ARL9: variants seen among roughly 807,000 people sequenced by gnomAD.
ARL9 encodes ADP-ribosylation factor-like protein 9.
Under a neutral mutation model 27.0 loss-of-function variants are expected in ARL9, and 14 were observed. The observed-to-expected ratio is 0.52, with a 90% CI of 0.34 to 0.81. The LOEUF (loss-of-function observed/expected upper bound fraction) is 0.81. Among genes scored for constraint, ARL9 ranks in the 30% least tolerant of loss-of-function variants. The probability of loss-of-function intolerance (pLI) is 0.01; values close to 1 mark genes in which losing one functional copy is unlikely to be tolerated. For missense variants in ARL9, 294 were observed against 290.0 expected, an observed-to-expected ratio of 1.01 and a Z score of -0.10; for synonymous variants, 106 against 108.7, an observed-to-expected ratio of 0.98 and a Z score of 0.15.
At chr4:56,505,666 C>T (rs74987292), upstream of ARL9, 611 of 873,294 alleles carry the variant, frequency 7.0e-4, 7 homozygotes, top group East Asian at 0.016. Flanking sequence ...TTCAGCGAAT[C>T]GGCTGCAAGA....
intron 1 of ARL9, among the ~76,000 whole-genome samples, chr4:56,510,269 C>T (rs1012777255): frequency 6.7e-6 from 1 of 149,174 alleles, no homozygotes; most frequent in Non-Finnish European, 1.5e-5. Context: ...GCAGGAGAAT[C>T]GCTTGAACCC....
upstream of ARL9, chr4:56,505,606 T>C (rs1578204723): frequency 8.2e-6 from 5 of 606,970 alleles, no homozygotes; most frequent in East Asian, 9.3e-5. Flanking sequence ...TTGGCTGGGC[T>C]CAATCCATCC....
chr4:56,518,554 C>CGG, intron 2 of ARL9, 124 bp from the exon 3 acceptor site: 1 of 825,548 alleles, frequency 1.2e-6, no homozygotes. Context: ...CACTCTAACA[C>CGG]GGTGATATTT....
intron 2 of ARL9, among the ~76,000 whole-genome samples, chr4:56,514,819 T>C (rs1721727623): frequency 6.6e-6 from 1 of 152,124 alleles, no homozygotes; most frequent in Non-Finnish European, 1.5e-5. Flanking sequence ...TCACTGTATA[T>C]CCAAACCAGC....
chr4:56,522,230 G>A (rs1010748957), intron 3 of ARL9, among the ~76,000 whole-genome samples: 4 of 152,050 alleles, frequency 2.6e-5, no homozygotes, highest in Non-Finnish European at 5.9e-5. Context: ...AGACCAGCCT[G>A]GCCAACATGG....
chr4:56,520,449 A>G (rs1179913099), intron 3 of ARL9, among the ~76,000 whole-genome samples: 1 of 152,170 alleles, frequency 6.6e-6, no homozygotes. Context: ...AGGTACCTAG[A>G]GTTGTCAGAT....
At chr4:56,512,180 C>T (rs1301991659) in intron 2 of ARL9, among the ~76,000 whole-genome samples, 1 of 152,232 alleles carries the variant, frequency 6.6e-6, no homozygotes, top group Non-Finnish European at 1.5e-5. Flanking sequence ...CCTCCATCAT[C>T]TATTACTTAG....
At chr4:56,518,040 C>T (rs1202683863) in intron 2 of ARL9, among the ~76,000 whole-genome samples, 1 of 151,888 alleles carries the variant, frequency 6.6e-6, no homozygotes, top group African/African-American at 2.4e-5. Flanking sequence ...GGGTCTCACT[C>T]TGGAGTGTGG....
Position 56,506,073 on chromosome 4 carries a change from T to A in ARL9, c.211T>A (p.Phe71Ile). The A allele has an allele frequency of 8.1e-7, 1 of 1,235,292 alleles. No homozygotes were observed. The highest frequency in any genetic ancestry group is 1.0e-6 in the Non-Finnish European group (1 of 990,336). 76.5% of individuals were successfully genotyped at this position (1,235,292 alleles called of 1,614,324 possible). Residue 71 changes from phenylalanine to isoleucine, a missense_variant, in exon 1 of 4, where the codon TTT becomes ATT. Coordinates refer to ENST00000640821, the MANE Select transcript of ARL9 (RefSeq NM_001363794.2). ...GKETNKEKEQ[F>I]KGQEEKGENK... ...GGAGACAAACAAAGAGAAGGAACAA[T>A]TTAAGGGACAAGAAGAGAAAGGGGA...
chr4:56,514,280 G>A (rs1283026402), intron 2 of ARL9, among the ~76,000 whole-genome samples: 2 of 152,196 alleles, frequency 1.3e-5, no homozygotes, highest in South Asian at 4.1e-4. Context: ...GGTTAAATAT[G>A]CAATGTAAAT....
intron 2 of ARL9, among the ~76,000 whole-genome samples, chr4:56,514,121 T>C (rs868381772): frequency 3.3e-5 from 5 of 152,236 alleles, no homozygotes; most frequent in African/African-American, 9.6e-5. Flanking sequence ...CAGTGAGCCA[T>C]GATCACGCCA....
intron 2 of ARL9, 102 bp downstream of exon 2, chr4:56,511,449 A>G: frequency 3.2e-6 from 4 of 1,260,662 alleles, no homozygotes; most frequent in Non-Finnish European, 4.4e-6. Context: ...CTAACACTGA[A>G]TCAAATTTTC....
At chr4:56,515,438 A>G (rs1297085048) in intron 2 of ARL9, among the ~76,000 whole-genome samples, 18 of 152,166 alleles carry the variant, frequency 1.2e-4, no homozygotes, top group Admixed American at 1.2e-3. Context: ...AAAACCTCAG[A>G]AAACTTTACT....
intron 1 of ARL9, chr4:56,506,585 A>G: frequency 1.0e-6 from 1 of 983,112 alleles, no homozygotes; most frequent in Non-Finnish European, 1.2e-6. Flanking sequence ...TCCTGAACGC[A>G]GGAGGTGTTT....
intron 2 of ARL9, among the ~76,000 whole-genome samples, chr4:56,513,071 A>G (rs1721681362): frequency 6.6e-6 from 1 of 152,230 alleles, no homozygotes; most frequent in Non-Finnish European, 1.5e-5. Context: ...CATGATCATC[A>G]ATATCCTGAA....
rs112438849 is a variant in ARL9 at position 56,508,471 on chromosome 4, C to T, written c.279+2330C>T. On this transcript the variant is annotated intron_variant, in intron 1 of 3. Coordinates refer to ENST00000640821, the MANE Select transcript of ARL9 (RefSeq NM_001363794.2). ...GATCTCAGCTCATTGCAACCTCCAC[C>T]TCCCAGGTTCAAGTGATTGTCCTGC... Among the ~76,000 whole-genome samples, 294 of 152,242 alleles carry T rather than the reference C, an allele frequency of 1.9e-3. 10 individuals carry two copies. The South Asian group carries it at 0.039, about 20-fold the overall frequency.
intron 2 of ARL9, among the ~76,000 whole-genome samples, chr4:56,513,114 GA>G: frequency 6.6e-6 from 1 of 152,196 alleles, no homozygotes; most frequent in Non-Finnish European, 1.5e-5. Context: ...CAATCTTTGA[GA>G]TTTAAAATGT....
rs768272130 is a variant in ARL9 at position 56,523,882 on chromosome 4, A to G, written c.*6A>G. The G allele has an allele frequency of 3.7e-6, 6 of 1,610,952 alleles. No homozygotes were observed. The highest frequency in any genetic ancestry group is 5.1e-6 in the Non-Finnish European group (6 of 1,178,160). On this transcript the variant is annotated 3_prime_UTR_variant, in exon 4 of 4. Transcript: ENST00000640821. ...TGGCTGCAGATGTGCAGTGACCAGG[A>G]CTCAGCCCACTGTGCGGCTCACGAC...
At position 56,520,441 on chromosome 4, in the gene ARL9, G is replaced by T. The variant is rs114345271; in HGVS notation, c.618+1588G>T. 3.8e-3 allele frequency among the ~76,000 whole-genome samples: 579 copies of T among 152,270 alleles called. 2 individuals are homozygous for T. The highest frequency in any genetic ancestry group is 0.013 in the African/African-American group (552 of 41,556). On this transcript the variant is annotated intron_variant, in intron 3 of 3. Coordinates refer to ENST00000640821, the MANE Select transcript of ARL9 (RefSeq NM_001363794.2). ...TACTATATGATTCCATTTATACGAGGTACCTAGAGTTGTCAGATTCATAGA... is the reference window on the plus strand; with the variant it reads ...TACTATATGATTCCATTTATACGAGTTACCTAGAGTTGTCAGATTCATAGA...
Sources: allele counts gnomAD v4.1 joint callset (sites outside exome capture counted in the v4.1 genomes callset), GRCh38; gene constraint gnomAD v4.1.1; transcripts MANE v1.5; gene names NCBI Gene and HGNC (gene_info 2026-07-23, HGNC 2026-07-21).